ANK3: variants seen among roughly 807,000 people sequenced by gnomAD.
ANK3 encodes the protein ankyrin 3.
Under a neutral mutation model 370.9 loss-of-function variants are expected in ANK3, and 57 were observed. The observed-to-expected ratio is 0.15, with a 90% CI of 0.12 to 0.19. The LOEUF is 0.19. Ranked by LOEUF, ANK3 falls within the 10% of genes least tolerant of loss-of-function variation. The pLI is 1.00. For missense variants in ANK3, 4,439 were observed against 5,302.1 expected (o/e 0.84, Z 5.06); for synonymous variants, 1,929 against 1,946.3 (o/e 0.99, Z 0.23).
intron 1 of ANK3, among the ~76,000 whole-genome samples, chr10:60,286,025 A>T (rs759907752): frequency 2.8e-4 from 43 of 152,090 alleles, no homozygotes; most frequent in Admixed American, 4.6e-4. Flanking sequence ...CTCATTTTTT[A>T]AAAAAAGTAT....
chr10:60,059,697 C>A (rs1050893490), intron 40 of ANK3: 2 of 1,608,950 alleles, frequency 1.2e-6, no homozygotes, highest in Admixed American at 1.7e-5. Context: ...AGGATACTCA[C>A]TCAGACATAC....
chr10:60,195,024 A>G (rs1040327180), intron 16 of ANK3, among the ~76,000 whole-genome samples: 2 of 152,310 alleles, frequency 1.3e-5, no homozygotes, highest in African/African-American at 4.8e-5. Context: ...CAATGATGTG[A>G]TCTAAACATT....
intron 7 of ANK3, among the ~76,000 whole-genome samples, chr10:60,246,683 T>G (rs2132586142): frequency 6.6e-6 from 1 of 152,320 alleles, no homozygotes; most frequent in South Asian, 2.1e-4. Context: ...CCTTATTTTC[T>G]TTTAAGGACA....
intron 7 of ANK3, among the ~76,000 whole-genome samples, chr10:60,243,824 T>C (rs961153391): frequency 2.0e-5 from 3 of 152,172 alleles, no homozygotes; most frequent in Admixed American, 1.3e-4. Flanking sequence ...GATAAGGTAC[T>C]AAATCAGGTG....
chr10:60,200,560 G>GTGCTT (rs1172535684), intron 12 of ANK3, among the ~76,000 whole-genome samples: 1 of 152,084 alleles, frequency 6.6e-6, no homozygotes, highest in Non-Finnish European at 1.5e-5. Context: ...CAGGTGTGGA[G>GTGCTT]TGCTTGAGAG....
At chr10:60,092,999 A>T (rs147549969) in intron 28 of ANK3, among the ~76,000 whole-genome samples, 3,247 of 152,292 alleles carry the variant, frequency 0.021, 65 homozygotes, top group Admixed American at 0.043. Flanking sequence ...GCCTCCCAAA[A>T]TGCTGGGATT....
rs190576092 is a variant in ANK3, at chr10:60,513,388, T to A, written c.96+101798A>T. Reference sequence around the variant, plus strand: ...CTTTATATGAGGGTGTTTGTTCCAATGGTGTTACTTACTATCCATGGGGGT... The same window carrying A: ...CTTTATATGAGGGTGTTTGTTCCAAAGGTGTTACTTACTATCCATGGGGGT... On this transcript the variant is annotated intron_variant, in intron 2 of 43. Coordinates refer to the ANK3 transcript ENST00000373827. Among the ~76,000 whole-genome samples, 10 of 152,228 alleles carry A rather than the reference T, an allele frequency of 6.6e-5. No individual in the cohort carries two copies. The East Asian group carries it at 1.9e-3, about 29-fold the overall frequency.
At chr10:60,557,167 C>G (rs531967279) in intron 2 of ANK3, among the ~76,000 whole-genome samples, 1 of 152,230 alleles carries the variant, frequency 6.6e-6, no homozygotes, top group African/African-American at 2.4e-5. Context: ...GAACTGGAAA[C>G]AGGTGTTGAA....
intron 1 of ANK3, among the ~76,000 whole-genome samples, chr10:60,684,008 G>T (rs1424827747): frequency 6.6e-6 from 1 of 152,166 alleles, no homozygotes; most frequent in Non-Finnish European, 1.5e-5. Flanking sequence ...TTTAAGCTAT[G>T]TGCCCTTAAT....
At chr10:60,343,811 G>A (rs2054805210) in intron 1 of ANK3, among the ~76,000 whole-genome samples, 2 of 152,286 alleles carry the variant, frequency 1.3e-5, no homozygotes, top group South Asian at 4.1e-4. Flanking sequence ...TCACCTGGAG[G>A]GCTTGTGGAA....
At chr10:60,289,875 T>C (rs1273418140) in intron 1 of ANK3, among the ~76,000 whole-genome samples, 5 of 152,226 alleles carry the variant, frequency 3.3e-5, no homozygotes, top group African/African-American at 1.2e-4. Flanking sequence ...AACAAAAAAT[T>C]AGTCTAATGA....
At chr10:60,193,602 C>T (rs1160686457) in intron 16 of ANK3, among the ~76,000 whole-genome samples, 2 of 151,072 alleles carry the variant, frequency 1.3e-5, no homozygotes, top group African/African-American at 2.4e-5. Flanking sequence ...TTGCAGTGAG[C>T]CAAGATCGTG....
At position 60,102,157 on chromosome 10, in the gene ANK3, AG is replaced by A. The variant is rs148785176; in HGVS notation, c.3328+3747del. 6.2e-4 allele frequency among the ~76,000 whole-genome samples: 93 copies of A among 149,626 alleles called. 1 individual carries two copies. Among genetic ancestry groups the A allele is most frequent in the Non-Finnish European group, 1.1e-3 (76 of 67,610 alleles). On this transcript the variant is annotated intron_variant, in intron 28 of 43. Coordinates refer to ENST00000280772, the MANE Select transcript of ANK3 (RefSeq NM_020987.5). The stretch of plus-strand genomic sequence containing the variant: ...CCACTTGGGGTGTATACAACCTTGT[AG>A]GTACACAGGTTGGCAACTAGATAGC...
chr10:60,182,079 CTTT>C lies in ANK3; in HGVS notation c.2086-655_2086-653del, dbSNP rs200772662. ...TCAGTGTTCATCTACAAAAATTAGA[CTTT>C]TTTTTTTTTTTACAAAATTATGCAA... On this transcript the variant is annotated intron_variant, in intron 17 of 43. Transcript: ENST00000280772. 3.1e-4 allele frequency among the ~76,000 whole-genome samples: 44 copies of C among 144,026 alleles called. No homozygotes were observed. The South Asian group carries it at 8.0e-3, about 26-fold the overall frequency. 94.5% of individuals were successfully genotyped at this position (144,026 alleles called of 152,430 possible). A position where few individuals can be genotyped will look rare whatever the true frequency, so the allele number is the denominator to read the frequency against.
rs754295493 is a variant in ANK3 at position 60,073,402 on chromosome 10, T to C, written c.7479A>G (p.Ser2493=). 2.5e-6 allele frequency: 4 copies of C among 1,613,858 alleles called. No homozygotes were observed. The highest frequency in any genetic ancestry group is 3.4e-6 in the Non-Finnish European group (4 of 1,179,980). ...SVTDHAGPPS[S]ELQGSDKRSR... ...ACCGCTTATCAGACCCCTGTAACTC[T>C]GAGCTAGGGGGTCCTGCATGGTCTG... The change falls in exon 37 of 44, where the codon TCA becomes TCG. Residue 2493 remains serine (S), a synonymous_variant. Transcript: ENST00000280772.
Position 60,073,459 on chromosome 10 carries a change from A to G in ANK3, c.7422T>C (p.Asp2474=). ...ATTCCTCAGTATCAGAATGAGACACATCTAGCTTTTCTGACAGAAGCATTT... is the reference window on the plus strand; with the variant it reads ...ATTCCTCAGTATCAGAATGAGACACGTCTAGCTTTTCTGACAGAAGCATTT... ...AEKMLLSEKL[D]VSHSDTEESV... is the part of the protein sequence containing the mutation. The change falls in exon 37 of 44, where the codon GAT becomes GAC. Residue 2474 remains aspartate (D), a synonymous_variant. Coordinates refer to ENST00000280772, the MANE Select transcript of ANK3 (RefSeq NM_020987.5). 6.2e-7 allele frequency: 1 copy of G among 1,614,042 alleles called. No individual in the cohort carries two copies. Among genetic ancestry groups the G allele is most frequent in the African/African-American group, 1.3e-5 (1 of 75,024 alleles).
intron 1 of ANK3, among the ~76,000 whole-genome samples, chr10:60,372,080 C>T (rs7072841): frequency 0.37 from 56,252 of 152,006 alleles, 11,292 homozygotes; most frequent in Middle Eastern, 0.49. Flanking sequence ...CACTTTACCG[C>T]TGTTTATAAA....
At chr10:60,414,905 T>C (rs10994334) in intron 2 of ANK3, among the ~76,000 whole-genome samples, 21,715 of 152,152 alleles carry the variant, frequency 0.14, 1,625 homozygotes, top group South Asian at 0.17. Context: ...AGAGGAATCA[T>C]TTGGAGATAT....
At chr10:60,484,955 A>C (rs185309246) in intron 2 of ANK3, among the ~76,000 whole-genome samples, 169 of 152,320 alleles carry the variant, frequency 1.1e-3, no homozygotes, top group Non-Finnish European at 3.2e-4. Context: ...ACATTGACTT[A>C]ACTAGATCAT....
Sources: allele counts gnomAD v4.1 joint callset (sites outside exome capture counted in the v4.1 genomes callset), GRCh38; gene constraint gnomAD v4.1.1; transcripts MANE v1.5; gene names NCBI Gene and HGNC (gene_info 2026-07-23, HGNC 2026-07-21).